RHOBTB2: variants seen among roughly 807,000 people sequenced by gnomAD.
RHOBTB2 encodes rho-related BTB domain-containing protein 2.
Under a neutral mutation model 66.5 loss-of-function variants are expected in RHOBTB2, and 39 were observed. The observed-to-expected ratio is 0.59, with a 90% CI of 0.45 to 0.77. The LOEUF is 0.77. Ranked by LOEUF, RHOBTB2 falls within the 30% of genes least tolerant of loss-of-function variation. The probability of loss-of-function intolerance (pLI) is 0.00; values close to 1 mark genes in which losing one functional copy is unlikely to be tolerated. For missense variants in RHOBTB2, 755 were observed against 999.1 expected, an observed-to-expected ratio of 0.76 and a Z score of 3.29; for synonymous variants, 390 against 395.0, an observed-to-expected ratio of 0.99 and a Z score of 0.15.
the RHOBTB2 span, among the ~76,000 whole-genome samples, chr8:22,982,149 T>G: frequency 6.6e-6 from 1 of 152,180 alleles, no homozygotes; most frequent in Non-Finnish European, 1.5e-5. Flanking sequence ...GCAGGAAGAC[T>G]CAGAGGCCAC....
At chr8:22,990,634 G>A (rs1028827847) in intron 1 of RHOBTB2, among the ~76,000 whole-genome samples, 1 of 152,222 alleles carries the variant, frequency 6.6e-6, no homozygotes, top group African/African-American at 2.4e-5. Flanking sequence ...TGGGTTGGGA[G>A]GAAGATCATG....
At chr8:23,009,279 C>G (rs367958541) in intron 6 of RHOBTB2, among the ~76,000 whole-genome samples, 2 of 152,146 alleles carry the variant, frequency 1.3e-5, no homozygotes, top group African/African-American at 4.8e-5. Context: ...CTAGCTCTCA[C>G]GATGCCACCA....
rs1486301220 is a variant in RHOBTB2, at chr8:23,007,457, T to A, written c.1212T>A (p.Pro404=). The A allele has an allele frequency of 1.9e-6, 3 of 1,614,010 alleles. No homozygotes were observed. The highest frequency in any genetic ancestry group is 1.7e-6 in the Non-Finnish European group (2 of 1,179,988). Residue 404 remains proline, a synonymous_variant, in exon 5 of 10, where the codon CCT becomes CCA. Transcript: ENST00000251822. The part of the protein sequence containing the change: ...VSIQEEMAED[P]LTYKSRLMVV... ...TCCAGGAAGAGATGGCAGAAGATCC[T>A]CTCACCTACAAATCCCGGCTGATGG...
Position 22,999,609 on chromosome 8 carries a change from G to T in RHOBTB2, c.-507G>T. On this transcript the variant is annotated 5_prime_UTR_variant, in exon 1 of 10. Transcript: ENST00000251822. ...TTTCTCCTCCTTTTTTTACCCTCCC[G>T]TTTTTTTCTTTTCTTTTTTTTTTCC... 1 of 1,233,948 alleles carries T rather than the reference G, an allele frequency of 8.1e-7. No individual in the cohort carries two copies. The highest frequency in any genetic ancestry group is 1.3e-5 in the South Asian group (1 of 74,504). 76.4% of individuals were successfully genotyped at this position (1,233,948 alleles called of 1,614,324 possible). A position where few individuals can be genotyped will look rare whatever the true frequency, so the allele number is the denominator to read the frequency against.
intron 2 of RHOBTB2, among the ~76,000 whole-genome samples, chr8:22,993,618 C>T (rs540601179): frequency 6.6e-6 from 1 of 152,248 alleles, no homozygotes; most frequent in Non-Finnish European, 1.5e-5. Flanking sequence ...CAAAGTCACA[C>T]AGCCACTTCC....
rs1291378958 is a variant in RHOBTB2 at position 23,019,246 on chromosome 8, G to A, written c.*1777G>A. ...GGTAGCAGGCAGGACCTAATGACCAGAGGTTAAATCCTCATCAAGAGAGAC... is the reference window on the plus strand; with the variant it reads ...GGTAGCAGGCAGGACCTAATGACCAAAGGTTAAATCCTCATCAAGAGAGAC... On this transcript the variant is annotated 3_prime_UTR_variant, in exon 10 of 10. Coordinates refer to ENST00000251822, the MANE Select transcript of RHOBTB2 (RefSeq NM_015178.3). 6.6e-6 allele frequency: 1 copy of A among 152,442 alleles called. No individual in the cohort carries two copies. Among genetic ancestry groups the A allele is most frequent in the Non-Finnish European group, 1.5e-5 (1 of 68,242 alleles). The allele number at this position is 152,442 out of a possible 1,614,324, so 9.4% of individuals were successfully genotyped here.
chr8:22,972,508 C>A, the RHOBTB2 span, among the ~76,000 whole-genome samples: 1 of 152,158 alleles, frequency 6.6e-6, no homozygotes, highest in African/African-American at 2.4e-5. Context: ...CACCACACAC[C>A]CTCCTTCTTG....
At chr8:23,008,362 C>A (rs113252768) in intron 6 of RHOBTB2, among the ~76,000 whole-genome samples, 2 of 152,102 alleles carry the variant, frequency 1.3e-5, no homozygotes, top group African/African-American at 4.8e-5. Flanking sequence ...TAAATTCACA[C>A]GCAACGTACA....
chr8:22,994,012 C>T (rs971891780), intron 2 of RHOBTB2, among the ~76,000 whole-genome samples: 1 of 152,220 alleles, frequency 6.6e-6, no homozygotes, highest in Admixed American at 6.5e-5. Context: ...CTCAGCCATG[C>T]TGGCCATCAG....
At chr8:23,007,853 A>T in intron 5 of RHOBTB2, 107 bp downstream of exon 5, 1 of 1,520,152 alleles carries the variant, frequency 6.6e-7, no homozygotes, top group Non-Finnish European at 9.0e-7. Flanking sequence ...ATGCTCTTGA[A>T]GCCTGGTTTT....
Position 23,007,068 on chromosome 8 carries a change from C to T in RHOBTB2, c.823C>T (p.Arg275Trp), listed in dbSNP as rs559635697. ...GGACGTCATCCTGGTGCTGCAGGAGCGGGTGCGCATCTTTGCCCACAAGAT... is the reference window on the plus strand; with the variant it reads ...GGACGTCATCCTGGTGCTGCAGGAGTGGGTGCGCATCTTTGCCCACAAGAT... ...CADVILVLQE[R>W]VRIFAHKIYL... Residue 275 changes from arginine to tryptophan, a missense_variant, in exon 5 of 10, where the codon CGG becomes TGG. Around this residue, in one of 7 missense-constraint regions of RHOBTB2, gnomAD observed 247 missense variants for 238.9 expected, o/e 1.03. Transcript: ENST00000251822. 2.4e-5 allele frequency: 38 copies of T among 1,610,290 alleles called. No homozygotes were observed. In the African/African-American group the frequency reaches 3.3e-4, roughly 14 times the overall value.
At chr8:23,007,863 T>C (rs1811021862) in intron 5 of RHOBTB2, 117 bp downstream of exon 5, 2 of 1,504,738 alleles carry the variant, frequency 1.3e-6, no homozygotes. Flanking sequence ...AGCCTGGTTT[T>C]CCCCAGCTGG....
chr8:22,981,959 T>C, the RHOBTB2 span, among the ~76,000 whole-genome samples: 2 of 152,194 alleles, frequency 1.3e-5, no homozygotes, highest in Non-Finnish European at 2.9e-5. Flanking sequence ...TGCCCCCCGA[T>C]ACCAGGCGCC....
In RHOBTB2 at chr8:23,018,640, C is replaced by G. The variant is rs1436528556; in HGVS notation, c.*1171C>G. Reference sequence around the variant, plus strand: ...AGGGCTGGTGATTGAGGGGCCCGGGCTGGCGGCAAAGAGGGGTTTGGTCTC... The same window carrying G: ...AGGGCTGGTGATTGAGGGGCCCGGGGTGGCGGCAAAGAGGGGTTTGGTCTC... On this transcript the variant is annotated 3_prime_UTR_variant, in exon 10 of 10. Coordinates refer to ENST00000251822, the MANE Select transcript of RHOBTB2 (RefSeq NM_015178.3). The G allele has an allele frequency of 2.6e-5, 4 of 152,350 alleles. No individual in the cohort carries two copies. 9.4% of individuals were successfully genotyped at this position (152,350 alleles called of 1,614,324 possible).
chr8:22,964,273 G>A, the RHOBTB2 span, among the ~76,000 whole-genome samples: 1 of 151,984 alleles, frequency 6.6e-6, no homozygotes, highest in African/African-American at 2.4e-5. Flanking sequence ...ATGAGATTTG[G>A]GTGGGGACAT....
the RHOBTB2 span, among the ~76,000 whole-genome samples, chr8:22,961,411 GCTGCCTGCCTGC>G: frequency 6.6e-6 from 1 of 152,018 alleles, no homozygotes; most frequent in African/African-American, 2.4e-5. Flanking sequence ...TTCTATAAAT[GCTGCCTGCCTGC>G]CTGCCTGCCT....
intron 9 of RHOBTB2, 152 bp downstream of exon 9, chr8:23,015,895 G>A (rs1811277529): frequency 3.2e-6 from 2 of 627,910 alleles, no homozygotes; most frequent in African/African-American, 1.8e-5. Context: ...AAGCCAAGGG[G>A]CCCCAGGAAA....
chr8:22,973,997 G>C, the RHOBTB2 span, among the ~76,000 whole-genome samples: 1 of 152,054 alleles, frequency 6.6e-6, no homozygotes, highest in African/African-American at 2.4e-5. Context: ...CACTTCCGGG[G>C]CTCCCAGCCA....
At chr8:22,986,767 T>A (rs111593894), upstream of RHOBTB2, among the ~76,000 whole-genome samples, 88 of 152,196 alleles carry the variant, frequency 5.8e-4, no homozygotes, top group African/African-American at 1.9e-3. Flanking sequence ...AAAGGTAAAC[T>A]AAGGTCCAGA....
Sources: allele counts gnomAD v4.1 joint callset (sites outside exome capture counted in the v4.1 genomes callset), GRCh38; gene constraint gnomAD v4.1.1; regional missense constraint gnomAD v4.1.1; transcripts MANE v1.5; gene names NCBI Gene and HGNC (gene_info 2026-07-23, HGNC 2026-07-21).